Variants in PRKG1 observed in about 807,000 individuals in gnomAD.
The protein encoded by PRKG1 is protein kinase cGMP-dependent 1, also known as cGMP-dependent protein kinase 1.
In PRKG1, 35 loss-of-function variants were observed where a neutral mutation model predicts 88.1. That is an observed-to-expected ratio of 0.40 (90% CI 0.30 to 0.53). The LOEUF (loss-of-function observed/expected upper bound fraction) is 0.53, where lower values mean the gene tolerates loss of function less well. Among genes scored for constraint, PRKG1 ranks in the 20% least tolerant of loss-of-function variants. The pLI is 0.59. For synonymous variants in PRKG1, 303 were observed against 292.5 expected, an observed-to-expected ratio of 1.04 and a Z score of -0.37; for missense variants, 540 against 839.8, an observed-to-expected ratio of 0.64 and a Z score of 4.41.
chr10:51,170,275 A>T (rs558469009), intron 2 of PRKG1, among the ~76,000 whole-genome samples: 7 of 152,108 alleles, frequency 4.6e-5, no homozygotes, highest in Non-Finnish European at 1.0e-4. Context: ...TAAAAAGTAA[A>T]CAAATATTTA....
At chr10:51,769,887 T>G (rs1391982688) in intron 3 of PRKG1, among the ~76,000 whole-genome samples, 1 of 152,120 alleles carries the variant, frequency 6.6e-6, no homozygotes, top group Non-Finnish European at 1.5e-5. Flanking sequence ...AGCAGAAAAC[T>G]TATAATGTTT....
chr10:51,920,281 C>T (rs1488793047), intron 5 of PRKG1, among the ~76,000 whole-genome samples: 1 of 152,094 alleles, frequency 6.6e-6, no homozygotes, highest in Non-Finnish European at 1.5e-5. Flanking sequence ...AAAGGCCAAA[C>T]CTTTAGAAGG....
intron 4 of PRKG1, among the ~76,000 whole-genome samples, chr10:51,876,504 TA>T (rs1201182682): frequency 6.6e-6 from 1 of 152,226 alleles, no homozygotes; most frequent in African/African-American, 2.4e-5. Context: ...TTGTGGGGTT[TA>T]TATTTGTTTT....
At chr10:51,740,640 G>A (rs1217199901) in intron 3 of PRKG1, among the ~76,000 whole-genome samples, 1 of 151,976 alleles carries the variant, frequency 6.6e-6, no homozygotes, top group African/African-American at 2.4e-5. Context: ...AGTATAAATG[G>A]CAAATAATGT....
intron 9 of PRKG1, among the ~76,000 whole-genome samples, chr10:52,166,831 A>G (rs1255534313): frequency 8.4e-4 from 3 of 3,592 alleles, no homozygotes; most frequent in Non-Finnish European, 3.8e-3. Flanking sequence ...ATATATATGT[A>G]TATATATGTA....
intron 5 of PRKG1, among the ~76,000 whole-genome samples, chr10:51,989,000 T>C (rs1435905478): frequency 1.3e-5 from 2 of 152,126 alleles, no homozygotes; most frequent in Non-Finnish European, 2.9e-5. Context: ...AAAATTAGCT[T>C]ATCTTTTAAA....
At chr10:51,284,236 A>G (rs1386758539) in intron 2 of PRKG1, among the ~76,000 whole-genome samples, 1 of 152,256 alleles carries the variant, frequency 6.6e-6, no homozygotes. Context: ...AAGCCTTAAA[A>G]GAAAAAAGAC....
rs371343306 is a variant in PRKG1 at position 52,274,518 on chromosome 10, C to CATAT, written c.1403+2051_1403+2054dup. Among the ~76,000 whole-genome samples the CATAT allele has an allele frequency of 3.4e-3, 490 of 143,398 alleles. 2 individuals carry two copies. Among genetic ancestry groups the CATAT allele is most frequent in the African/African-American group, 0.011 (399 of 37,842 alleles). 94.1% of individuals were successfully genotyped at this position (143,398 alleles called of 152,430 possible). On this transcript the variant is annotated intron_variant, in intron 12 of 17. Coordinates refer to ENST00000373980, the MANE Select transcript of PRKG1 (RefSeq NM_006258.4). ...ATACATATATATATATACATGCCAT[C>CATAT]ATATATATATATATATACACACACA...
At chr10:52,014,842 T>C (rs1844994099) in intron 5 of PRKG1, among the ~76,000 whole-genome samples, 1 of 152,228 alleles carries the variant, frequency 6.6e-6, no homozygotes, top group Non-Finnish European at 1.5e-5. Flanking sequence ...TCATTAAATC[T>C]TAAAGCTCCA....
In PRKG1 at chr10:51,992,493, T is replaced by G. The variant is rs571547236; in HGVS notation, c.763-61991T>G. On this transcript the variant is annotated intron_variant, in intron 5 of 17. Transcript: ENST00000373980. ...TAAGACCTCCGTAAGAACTATAACA[T>G]TTTTTTTTCCTATTCCCACTTCCCT... Among the ~76,000 whole-genome samples the G allele has an allele frequency of 8.0e-5, 12 of 149,182 alleles. No homozygotes were observed. In the South Asian group the frequency reaches 2.5e-3, roughly 31 times the overall value.
chr10:51,564,753 G>A (rs751410140), intron 3 of PRKG1, among the ~76,000 whole-genome samples: 4 of 152,144 alleles, frequency 2.6e-5, no homozygotes, highest in African/African-American at 4.8e-5. Flanking sequence ...AGTTTGCTTC[G>A]TATGTAGGAT....
intron 3 of PRKG1, among the ~76,000 whole-genome samples, chr10:51,562,951 T>C (rs1029166068): frequency 4.5e-5 from 6 of 133,206 alleles, no homozygotes; most frequent in African/African-American, 1.6e-4. Flanking sequence ...TTATTATTTT[T>C]ATTTTTATTT....
At chr10:52,226,401 C>T (rs1317214017) in intron 9 of PRKG1, among the ~76,000 whole-genome samples, 1 of 152,114 alleles carries the variant, frequency 6.6e-6, no homozygotes, top group Non-Finnish European at 1.5e-5. Flanking sequence ...CATAGTTTGT[C>T]CCTCACAGCA....
At chr10:51,706,240 A>T (rs1388075954) in intron 3 of PRKG1, among the ~76,000 whole-genome samples, 1 of 152,234 alleles carries the variant, frequency 6.6e-6, no homozygotes, top group Non-Finnish European at 1.5e-5. Context: ...TGCTTAGTGT[A>T]TTTAATATGA....
intron 4 of PRKG1, among the ~76,000 whole-genome samples, chr10:51,858,826 A>C (rs1368543201): frequency 6.6e-6 from 1 of 152,044 alleles, no homozygotes; most frequent in Non-Finnish European, 1.5e-5. Flanking sequence ...TTTTCCCATT[A>C]TGCCTTAAAC....
At chr10:51,993,471 T>G (rs534654230) in intron 5 of PRKG1, among the ~76,000 whole-genome samples, 75 of 152,324 alleles carry the variant, frequency 4.9e-4, no homozygotes, top group African/African-American at 1.8e-3. Context: ...GTAATGCTTA[T>G]TACAATCCTA....
intron 9 of PRKG1, among the ~76,000 whole-genome samples, chr10:52,174,107 T>TA (rs58508071): frequency 0.21 from 31,806 of 151,768 alleles, 3,575 homozygotes; most frequent in South Asian, 0.42. Flanking sequence ...CAGGTTTTTT[T>TA]AATTTATTTT....
chr10:52,233,155 C>A (rs1223343416), intron 9 of PRKG1, among the ~76,000 whole-genome samples: 2 of 136,438 alleles, frequency 1.5e-5, no homozygotes, highest in Admixed American at 7.9e-5. Context: ...TGAGACAAAA[C>A]TTAATAACTT....
intron 2 of PRKG1, among the ~76,000 whole-genome samples, chr10:51,371,009 A>T (rs1044523228): frequency 6.6e-6 from 1 of 152,112 alleles, no homozygotes; most frequent in Non-Finnish European, 1.5e-5. Context: ...CAGCCTTGCC[A>T]GTTTCCTTCT....
Sources: gnomAD v4.1 joint callset for allele counts (sites outside exome capture counted in the v4.1 genomes callset) on GRCh38, gnomAD v4.1.1 for gene constraint, MANE v1.5 for transcripts, NCBI Gene and HGNC (gene_info 2026-07-23, HGNC 2026-07-21) for gene names.